The following EPM2A variants were observed in gnomAD, a reference collection of about 807,000 sequenced individuals.
EPM2A encodes the protein EPM2A glucan phosphatase, laforin.
Under a neutral mutation model 26.5 loss-of-function variants are expected in EPM2A, and 21 were observed. The observed-to-expected ratio is 0.79, with a 90% CI of 0.56 to 1.14. The LOEUF (loss-of-function observed/expected upper bound fraction) is 1.14, where lower values mean the gene tolerates loss of function less well. Among genes scored for constraint, EPM2A ranks in the 50% most tolerant of loss-of-function variants. The probability of loss-of-function intolerance (pLI) is 0.00; values close to 1 mark genes in which losing one functional copy is unlikely to be tolerated. For synonymous variants in EPM2A, 217 were observed against 177.6 expected, an observed-to-expected ratio of 1.22 and a Z score of -1.76; for missense variants, 458 against 440.8, an observed-to-expected ratio of 1.04 and a Z score of -0.35.
At chr6:145,490,334 C>T in intron 4 of EPM2A, 1 of 1,431,256 alleles carries the variant, frequency 7.0e-7, no homozygotes. Context: ...GCAGACATGG[C>T]ATTTATAGAG....
intron 1 of EPM2A, among the ~76,000 whole-genome samples, chr6:145,717,961 A>G (rs934001679): frequency 1.9e-4 from 29 of 151,846 alleles, no homozygotes; most frequent in Admixed American, 3.9e-4. Context: ...GCTCAAGGAA[A>G]TAAAAGAAGA....
At chr6:145,484,484 A>G (rs1400991729) in intron 4 of EPM2A, among the ~76,000 whole-genome samples, 1 of 152,088 alleles carries the variant, frequency 6.6e-6, no homozygotes, top group Non-Finnish European at 1.5e-5. Flanking sequence ...AAGAAATAAC[A>G]TATATACATA....
intron 2 of EPM2A, among the ~76,000 whole-genome samples, chr6:145,675,265 T>TA (rs1190944615): frequency 1.3e-5 from 2 of 152,218 alleles, no homozygotes; most frequent in Non-Finnish European, 2.9e-5. Flanking sequence ...AGGCCTGCCT[T>TA]ACAAGATCTC....
At chr6:145,452,093 C>T (rs1582766338) in intron 4 of EPM2A, among the ~76,000 whole-genome samples, 1 of 152,298 alleles carries the variant, frequency 6.6e-6, no homozygotes, top group Non-Finnish European at 1.5e-5. Flanking sequence ...GCTCTCTTAA[C>T]AGTTGCCTGC....
At chr6:145,701,102 A>G (rs1319045009) in intron 1 of EPM2A, among the ~76,000 whole-genome samples, 1 of 152,220 alleles carries the variant, frequency 6.6e-6, no homozygotes, top group South Asian at 2.1e-4. Flanking sequence ...GACATTATAA[A>G]CTGAAAATAA....
At chr6:145,586,221 G>C (rs1203509616) in intron 2 of EPM2A, among the ~76,000 whole-genome samples, 1 of 152,176 alleles carries the variant, frequency 6.6e-6, no homozygotes, top group Non-Finnish European at 1.5e-5. Flanking sequence ...ATTATTGCTT[G>C]ATGTTGTATC....
At chr6:145,649,886 T>A (rs1482017996) in intron 2 of EPM2A, among the ~76,000 whole-genome samples, 3 of 152,200 alleles carry the variant, frequency 2.0e-5, no homozygotes, top group Non-Finnish European at 4.4e-5. Flanking sequence ...GCCTTAGATG[T>A]ATAATGTGTC....
chr6:145,486,541 G>C (rs879614008), intron 4 of EPM2A, among the ~76,000 whole-genome samples: 4 of 151,802 alleles, frequency 2.6e-5, no homozygotes, highest in African/African-American at 9.7e-5. Context: ...CATTAATCTC[G>C]GGACTTGTTC....
At chr6:145,513,145 C>A (rs1193292284) in intron 2 of EPM2A, among the ~76,000 whole-genome samples, 1 of 151,806 alleles carries the variant, frequency 6.6e-6, no homozygotes, top group Non-Finnish European at 1.5e-5. Flanking sequence ...AAAATATTGA[C>A]AAATTATGCC....
chr6:145,491,202 C>T (rs1489457926), intron 4 of EPM2A: 2 of 437,626 alleles, frequency 4.6e-6, no homozygotes, highest in Admixed American at 2.9e-5. Context: ...AAATTTTCCC[C>T]GACCCCTTCA....
intron 2 of EPM2A, among the ~76,000 whole-genome samples, chr6:145,543,259 T>C (rs1382336123): frequency 1.3e-5 from 2 of 152,070 alleles, no homozygotes; most frequent in African/African-American, 4.8e-5. Context: ...CAGTAATCAA[T>C]ACAGTCAAAA....
At chr6:145,611,970 TC>T (rs1379748142) in intron 2 of EPM2A, among the ~76,000 whole-genome samples, 1 of 152,148 alleles carries the variant, frequency 6.6e-6, no homozygotes, top group Non-Finnish European at 1.5e-5. Context: ...ACCAATCAAG[TC>T]AACATATAGG....
downstream of EPM2A, among the ~76,000 whole-genome samples, chr6:145,621,115 C>T (rs745904443): frequency 4.6e-5 from 7 of 152,132 alleles, no homozygotes; most frequent in Non-Finnish European, 1.0e-4. Flanking sequence ...CTTCTCAGCC[C>T]CTGGTAACTA....
At chr6:145,701,409 T>C (rs981174499) in intron 1 of EPM2A, among the ~76,000 whole-genome samples, 1 of 152,192 alleles carries the variant, frequency 6.6e-6, no homozygotes, top group Non-Finnish European at 1.5e-5. Flanking sequence ...CTGATGTTCA[T>C]AGGGTCACCT....
At chr6:145,470,559 T>C (rs1356540368) in intron 4 of EPM2A, among the ~76,000 whole-genome samples, 1 of 152,188 alleles carries the variant, frequency 6.6e-6, no homozygotes, top group Admixed American at 6.5e-5. Flanking sequence ...CTTTTGACTG[T>C]GTCTAGTTTT....
intron 1 of EPM2A, among the ~76,000 whole-genome samples, chr6:145,696,366 T>C (rs1184918746): frequency 2.0e-5 from 3 of 152,124 alleles, no homozygotes; most frequent in African/African-American, 4.8e-5. Flanking sequence ...TTGAGATCCA[T>C]TGCACAGTAG....
intron 1 of EPM2A, among the ~76,000 whole-genome samples, chr6:145,703,804 T>C (rs1209448324): frequency 6.6e-6 from 1 of 152,236 alleles, no homozygotes; most frequent in Non-Finnish European, 1.5e-5. Context: ...CTTGTGGGAC[T>C]AATTTTCTAG....
intron 4 of EPM2A, among the ~76,000 whole-genome samples, chr6:145,485,006 T>TTA (rs59332179): frequency 5.6e-5 from 8 of 143,464 alleles, no homozygotes; most frequent in African/African-American, 5.1e-5. Flanking sequence ...TATATATATA[T>TTA]TATATATATA....
chr6:145,701,713 G>C (rs1408108142), intron 1 of EPM2A, among the ~76,000 whole-genome samples: 1 of 152,154 alleles, frequency 6.6e-6, no homozygotes, highest in Admixed American at 6.5e-5. Flanking sequence ...TGATGCACTG[G>C]AACACATTAT....
Sources: allele counts gnomAD v4.1 joint callset (sites outside exome capture counted in the v4.1 genomes callset), GRCh38; gene constraint gnomAD v4.1.1; transcripts MANE v1.5; gene names NCBI Gene and HGNC (gene_info 2026-07-23, HGNC 2026-07-21).